Variants in STK32A observed in about 807,000 individuals in gnomAD.
STK32A encodes serine/threonine-protein kinase 32A.
A neutral mutation model predicts 53.2 loss-of-function variants in STK32A; 41 were observed. The observed-to-expected ratio is 0.77, with a 90% CI of 0.60 to 1.00. STK32A has a LOEUF of 1.00. Ranked by LOEUF, STK32A falls within the 50% of genes least tolerant of loss-of-function variation. The probability of loss-of-function intolerance (pLI) is 0.00; values close to 1 mark genes in which losing one functional copy is unlikely to be tolerated. For missense variants in STK32A, 458 were observed against 485.8 expected (o/e 0.94, Z 0.54); for synonymous variants, 166 against 162.8 (o/e 1.02, Z -0.15).
chr5:147,266,777 C>G (rs1754830024), intron 2 of STK32A, among the ~76,000 whole-genome samples: 1 of 152,086 alleles, frequency 6.6e-6, no homozygotes, highest in Non-Finnish European at 1.5e-5. Context: ...GTAATCCCAG[C>G]ACTTTGGGAG....
intron 2 of STK32A, among the ~76,000 whole-genome samples, chr5:147,246,212 G>C (rs1753762670): frequency 6.6e-6 from 1 of 152,148 alleles, no homozygotes. Context: ...TTTAGTAAAG[G>C]CATTTGTCAT....
chr5:147,321,290 A>G (rs1754302527), intron 4 of STK32A, among the ~76,000 whole-genome samples: 1 of 152,236 alleles, frequency 6.6e-6, no homozygotes, highest in Non-Finnish European at 1.5e-5. Context: ...AAAAAATCAG[A>G]TGATATGAAG....
At chr5:147,241,646 CT>C (rs1217960270) in intron 2 of STK32A, among the ~76,000 whole-genome samples, 1 of 152,146 alleles carries the variant, frequency 6.6e-6, no homozygotes, top group Non-Finnish European at 1.5e-5. Flanking sequence ...CTTAAGAAAA[CT>C]TTTTTTTCAT....
intron 8 of STK32A, among the ~76,000 whole-genome samples, chr5:147,363,785 T>A (rs1433996788): frequency 6.6e-6 from 1 of 152,240 alleles, no homozygotes; most frequent in Non-Finnish European, 1.5e-5. Flanking sequence ...GCTCATTTTC[T>A]GCAATATGGA....
chr5:147,241,420 A>G (rs1753572764), intron 2 of STK32A, among the ~76,000 whole-genome samples: 2 of 152,158 alleles, frequency 1.3e-5, no homozygotes, highest in Admixed American at 1.3e-4. Flanking sequence ...CGGAGCTTGC[A>G]GTGAGCCGAG....
chr5:147,245,212 G>C (rs1169483426), intron 2 of STK32A, among the ~76,000 whole-genome samples: 1 of 152,118 alleles, frequency 6.6e-6, no homozygotes, highest in Non-Finnish European at 1.5e-5. Context: ...AATAACTAAA[G>C]TTTACTTTGT....
At chr5:147,243,612 G>T (rs943305776) in intron 2 of STK32A, among the ~76,000 whole-genome samples, 5 of 151,938 alleles carry the variant, frequency 3.3e-5, no homozygotes, top group Admixed American at 2.0e-4. Context: ...ATGCCAGTGT[G>T]CGCCTGTAGT....
intron 2 of STK32A, among the ~76,000 whole-genome samples, chr5:147,255,271 T>TA (rs1248475729): frequency 6.6e-6 from 1 of 152,036 alleles, no homozygotes; most frequent in Non-Finnish European, 1.5e-5. Flanking sequence ...AACTTTTTTT[T>TA]AATATGCCTT....
intron 2 of STK32A, among the ~76,000 whole-genome samples, chr5:147,263,062 G>A (rs964061658): frequency 1.3e-5 from 2 of 152,222 alleles, no homozygotes; most frequent in Non-Finnish European, 1.5e-5. Flanking sequence ...TCTTAGTGGG[G>A]AAGTTGAGTG....
chr5:147,262,468 C>T (rs1754621797), intron 2 of STK32A, among the ~76,000 whole-genome samples: 1 of 152,050 alleles, frequency 6.6e-6, no homozygotes, highest in Admixed American at 6.6e-5. Context: ...AAAAATAGCC[C>T]CCATTTATTG....
chr5:147,267,317 C>T (rs1347827702), intron 2 of STK32A, among the ~76,000 whole-genome samples: 1 of 152,100 alleles, frequency 6.6e-6, no homozygotes, highest in Non-Finnish European at 1.5e-5. Context: ...AACCCAAAAG[C>T]AGAGTTTCAT....
chr5:147,367,212 T>C lies in STK32A; in HGVS notation c.661-3442T>C, dbSNP rs549286643. Among the ~76,000 whole-genome samples the C allele has an allele frequency of 1.2e-4, 18 of 151,966 alleles. No homozygotes were observed. The East Asian group carries it at 3.5e-3, about 30-fold the overall frequency. On this transcript the variant is annotated intron_variant, in intron 8 of 12. Coordinates refer to ENST00000397936, the MANE Select transcript of STK32A (RefSeq NM_001112724.2). The stretch of plus-strand genomic sequence containing the variant: ...TCCCAAGTAGCTGGGACTACAGGCA[T>C]ATGCCACCATGCCTGGAAATTTTTT...
intron 3 of STK32A, among the ~76,000 whole-genome samples, chr5:147,278,625 A>C (rs1358367681): frequency 1.3e-5 from 2 of 152,164 alleles, no homozygotes; most frequent in Non-Finnish European, 2.9e-5. Flanking sequence ...ATACATATTC[A>C]GTTTAATTTT....
At chr5:147,235,384 G>A (rs1156335225) in intron 1 of STK32A, among the ~76,000 whole-genome samples, 185 bp downstream of exon 1, 1 of 152,210 alleles carries the variant, frequency 6.6e-6, no homozygotes, top group Non-Finnish European at 1.5e-5. Flanking sequence ...CCCCTGCCTG[G>A]CACTGACTCA....
intron 2 of STK32A, among the ~76,000 whole-genome samples, chr5:147,263,295 C>T (rs538201640): frequency 1.3e-5 from 2 of 152,208 alleles, no homozygotes; most frequent in East Asian, 1.9e-4. Flanking sequence ...ACATCCAGGC[C>T]GCAGCTAGAA....
chr5:147,281,992 T>C lies in STK32A; in HGVS notation c.260+2594T>C, dbSNP rs551252247. ...ACAATTATTAGCCAAGAATTTTGTA[T>C]CCAGTGAAACTAAGCATCATATATG... On this transcript the variant is annotated intron_variant, in intron 4 of 12. Transcript: ENST00000397936. Among the ~76,000 whole-genome samples the C allele has an allele frequency of 3.3e-5, 5 of 152,250 alleles. No homozygotes were observed. The South Asian group carries it at 1.0e-3, about 32-fold the overall frequency.
intron 2 of STK32A, among the ~76,000 whole-genome samples, chr5:147,263,413 G>C (rs6870188): frequency 0.3 from 44,934 of 151,860 alleles, 6,989 homozygotes; most frequent in African/African-American, 0.36. Context: ...GGATTCTCAG[G>C]CTTTTGGGGA....
chr5:147,377,376 A>C (rs914691494), intron 11 of STK32A, among the ~76,000 whole-genome samples: 1 of 152,100 alleles, frequency 6.6e-6, no homozygotes, highest in African/African-American at 2.4e-5. Context: ...CGGTTGTTTT[A>C]AAATCTCACT....
intron 4 of STK32A, among the ~76,000 whole-genome samples, chr5:147,314,837 T>C (rs1753912830): frequency 1.3e-5 from 2 of 151,280 alleles, no homozygotes; most frequent in Admixed American, 6.6e-5. Flanking sequence ...CTCAACATCC[T>C]GGGCTCAAGT....
Sources: allele counts gnomAD v4.1 joint callset (sites outside exome capture counted in the v4.1 genomes callset), GRCh38; gene constraint gnomAD v4.1.1; transcripts MANE v1.5; gene names NCBI Gene and HGNC (gene_info 2026-07-23, HGNC 2026-07-21).